PTPRN2: variants seen among roughly 807,000 people sequenced by gnomAD.
PTPRN2 encodes receptor-type tyrosine-protein phosphatase N2.
In PTPRN2, 74 loss-of-function variants were observed where a neutral mutation model predicts 118.8. The ratio of observed to expected loss-of-function variants is 0.62; its 90% CI spans 0.52 to 0.76. PTPRN2 has a LOEUF of 0.76. Among genes scored for constraint, PTPRN2 ranks in the 30% least tolerant of loss-of-function variants. PTPRN2 has a pLI of 0.00. For missense variants in PTPRN2, 1,481 were observed against 1,394.4 expected (o/e 1.06, Z -0.99); for synonymous variants, 641 against 608.0 (o/e 1.05, Z -0.80).
intron 12 of PTPRN2, among the ~76,000 whole-genome samples, chr7:157,811,541 AC>A (rs749640475): frequency 3.3e-5 from 5 of 151,960 alleles, no homozygotes; most frequent in Admixed American, 6.6e-5. Flanking sequence ...AATCCTAAGA[AC>A]CCTGGCCAAA....
intron 13 of PTPRN2, among the ~76,000 whole-genome samples, chr7:157,679,076 T>C (rs1332285534): frequency 1.3e-5 from 2 of 152,126 alleles, no homozygotes; most frequent in Non-Finnish European, 1.5e-5. Context: ...ATCCTTAGTG[T>C]GTGTGTGTGT....
intron 14 of PTPRN2, 45 bp downstream of exon 14, chr7:157,656,312 G>A (rs1451620173): frequency 6.7e-7 from 1 of 1,500,788 alleles, no homozygotes; most frequent in East Asian, 2.5e-5. Flanking sequence ...CGAGGAAGGA[G>A]GGCCCTGGTG....
chr7:158,332,500 C>G (rs112625165), intron 2 of PTPRN2, among the ~76,000 whole-genome samples: 3 of 149,080 alleles, frequency 2.0e-5, no homozygotes, highest in African/African-American at 2.5e-5. Context: ...CACCCACACT[C>G]TCACCATAAG....
chr7:158,143,936 C>A (rs993125579), intron 6 of PTPRN2, among the ~76,000 whole-genome samples: 1 of 152,076 alleles, frequency 6.6e-6, no homozygotes, highest in Non-Finnish European at 1.5e-5. Flanking sequence ...GGCCACCGTC[C>A]CCCCCGCAGC....
intron 12 of PTPRN2, among the ~76,000 whole-genome samples, chr7:157,733,845 T>TTG (rs761891878): frequency 5.4e-5 from 2 of 36,908 alleles, no homozygotes; most frequent in Non-Finnish European, 1.1e-4. Context: ...CAGTTACTCT[T>TTG]CCGTCCCATG....
chr7:157,823,845 T>G (rs1294565634), intron 12 of PTPRN2, among the ~76,000 whole-genome samples: 6 of 152,132 alleles, frequency 3.9e-5, no homozygotes, highest in African/African-American at 7.2e-5. Flanking sequence ...CTCAAATAAT[T>G]CAGATACCCT....
intron 2 of PTPRN2, among the ~76,000 whole-genome samples, chr7:158,425,473 A>T (rs12698248): frequency 3.5e-4 from 1 of 2,874 alleles, no homozygotes; most frequent in East Asian, 5.8e-3. Flanking sequence ...GGGGTCCGAG[A>T]CCAGCCTAGC....
chr7:158,356,769 G>T (rs1373639543), intron 2 of PTPRN2, among the ~76,000 whole-genome samples: 3 of 132,716 alleles, frequency 2.3e-5, no homozygotes, highest in Non-Finnish European at 4.7e-5. Flanking sequence ...ACATAACAAA[G>T]CAAAAGGTGA....
rs550192113 is a variant in PTPRN2 at position 158,386,991 on chromosome 7, A to G, written c.164-70059T>C. 5.5e-4 allele frequency among the ~76,000 whole-genome samples: 84 copies of G among 152,118 alleles called. 1 individual carries two copies. Among genetic ancestry groups the G allele is most frequent in the African/African-American group, 1.9e-3 (80 of 41,498 alleles). ...CACTCGCCACAGGGGTGGGCTGAGG[A>G]TGGGGGGACTGTGGCTTCTCACCCT... On this transcript the variant is annotated intron_variant, in intron 2 of 22. Transcript: ENST00000389418.
chr7:158,325,714 A>G (rs1212945503), intron 2 of PTPRN2, among the ~76,000 whole-genome samples: 1 of 152,162 alleles, frequency 6.6e-6, no homozygotes, highest in Non-Finnish European at 1.5e-5. Flanking sequence ...CAGGCGAGAG[A>G]CACCCGGCAA....
chr7:157,882,686 A>C (rs776798645), intron 12 of PTPRN2, among the ~76,000 whole-genome samples: 3 of 150,832 alleles, frequency 2.0e-5, no homozygotes, highest in Non-Finnish European at 4.4e-5. Context: ...CACCCCAAAA[A>C]TGACTGTCGG....
chr7:157,624,156 C>T (rs915627319), intron 14 of PTPRN2, among the ~76,000 whole-genome samples: 6 of 152,146 alleles, frequency 3.9e-5, no homozygotes, highest in African/African-American at 1.4e-4. Flanking sequence ...CTCGGTGGCT[C>T]ACGCCTATAA....
intron 1 of PTPRN2, among the ~76,000 whole-genome samples, chr7:158,510,678 C>G (rs1337216207): frequency 6.6e-6 from 1 of 152,144 alleles, no homozygotes; most frequent in African/African-American, 2.4e-5. Context: ...ATAAAAAATA[C>G]TGTAATTCCA....
At chr7:157,790,128 T>G (rs1025059571) in intron 12 of PTPRN2, among the ~76,000 whole-genome samples, 1 of 141,114 alleles carries the variant, frequency 7.1e-6, no homozygotes, top group Non-Finnish European at 1.5e-5. Flanking sequence ...GTGTGTGGTG[T>G]GTGTGTGGTG....
intron 11 of PTPRN2, among the ~76,000 whole-genome samples, chr7:157,935,322 T>C (rs542674437): frequency 5.9e-5 from 9 of 152,336 alleles, no homozygotes; most frequent in Admixed American, 3.9e-4. Flanking sequence ...GGCTCTTTTT[T>C]GTTTCTGGCA....
chr7:157,688,090 GCCAAAAAAC>G (rs1797282423), intron 12 of PTPRN2, among the ~76,000 whole-genome samples: 1 of 152,046 alleles, frequency 6.6e-6, no homozygotes, highest in Non-Finnish European at 1.5e-5. Context: ...CATTCAAGTG[GCCAAAAAAC>G]CCAAAAAAGC....
chr7:157,945,736 CAAT>C (rs1800444652), intron 11 of PTPRN2, among the ~76,000 whole-genome samples: 1 of 45,032 alleles, frequency 2.2e-5, no homozygotes, highest in Non-Finnish European at 3.7e-5. Flanking sequence ...CCAGCTTGGA[CAAT>C]GCCACCTCCA....
At chr7:158,455,898 G>A (rs147768849) in intron 2 of PTPRN2, among the ~76,000 whole-genome samples, 1,506 of 145,772 alleles carry the variant, frequency 0.01, 27 homozygotes, top group Non-Finnish European at 0.016. Context: ...CCATTGCTCT[G>A]CAGAGAACAT....
chr7:158,102,745 TTAAGATGCAAGTGTGCACTTGCACA>T (rs1269816058), intron 10 of PTPRN2, among the ~76,000 whole-genome samples: 6 of 152,050 alleles, frequency 3.9e-5, no homozygotes, highest in South Asian at 2.1e-4. Flanking sequence ...ACACTTGCAC[TTAAGATGCAAGTGTGCACTTGCACA>T]CTTCTCTGCA....
Sources: gnomAD v4.1 joint callset for allele counts (sites outside exome capture counted in the v4.1 genomes callset) on GRCh38, gnomAD v4.1.1 for gene constraint, MANE v1.5 for transcripts, NCBI Gene and HGNC (gene_info 2026-07-23, HGNC 2026-07-21) for gene names.